Variants in GFRA1 observed in about 807,000 individuals in gnomAD.
GFRA1 encodes GDNF family receptor alpha-1.
GFRA1 carries 16 observed loss-of-function variants against 51.6 expected under a neutral mutation model. The observed-to-expected ratio is 0.31, with a 90% CI of 0.21 to 0.47. The LOEUF (loss-of-function observed/expected upper bound fraction) is 0.47. Ranked by LOEUF, GFRA1 falls within the 20% of genes least tolerant of loss-of-function variation. The probability of loss-of-function intolerance (pLI) is 1.00; values close to 1 mark genes in which losing one functional copy is unlikely to be tolerated. For missense variants in GFRA1, 530 were observed against 594.3 expected (o/e 0.89, Z 1.13); for synonymous variants, 270 against 241.3 (o/e 1.12, Z -1.10).
intron 6 of GFRA1, among the ~76,000 whole-genome samples, chr10:116,115,834 G>A (rs927980561): frequency 6.6e-6 from 1 of 152,156 alleles, no homozygotes; most frequent in African/African-American, 2.4e-5. Context: ...TAGTATGCCT[G>A]TGCACTTCAC....
intron 9 of GFRA1, among the ~76,000 whole-genome samples, chr10:116,073,536 C>T (rs957722867): frequency 1.3e-5 from 2 of 152,072 alleles, no homozygotes; most frequent in Admixed American, 6.5e-5. Flanking sequence ...ATTTTGAAGA[C>T]GTTTTGGTTT....
At chr10:116,218,153 G>A (rs2901099) in intron 4 of GFRA1, among the ~76,000 whole-genome samples, 58,093 of 151,948 alleles carry the variant, frequency 0.38, 12,544 homozygotes, top group East Asian at 0.55. Flanking sequence ...AGAACCCATA[G>A]GTGCCAGAAA....
chr10:116,201,138 A>T (rs1964298576), intron 5 of GFRA1, among the ~76,000 whole-genome samples: 1 of 151,830 alleles, frequency 6.6e-6, no homozygotes, highest in Non-Finnish European at 1.5e-5. Flanking sequence ...CTAAAATAAC[A>T]TTTTTTTTCT....
At chr10:116,108,980 G>T (rs1259999975) in intron 6 of GFRA1, among the ~76,000 whole-genome samples, 3 of 152,196 alleles carry the variant, frequency 2.0e-5, no homozygotes, top group African/African-American at 4.8e-5. Flanking sequence ...ACTTGGTGCT[G>T]AAGGTTCAGC....
At chr10:116,250,829 T>C (rs1968282039) in intron 4 of GFRA1, among the ~76,000 whole-genome samples, 1 of 152,188 alleles carries the variant, frequency 6.6e-6, no homozygotes, top group African/African-American at 2.4e-5. Context: ...GCTAGCCCCC[T>C]GCACAGGGCA....
chr10:116,117,824 T>G (rs1313855872), intron 6 of GFRA1, among the ~76,000 whole-genome samples: 1 of 152,274 alleles, frequency 6.6e-6, no homozygotes, highest in African/African-American at 2.4e-5. Flanking sequence ...ATGTACTAAA[T>G]TGTGTCCCTC....
chr10:116,084,347 G>C (rs1955992397), intron 9 of GFRA1, among the ~76,000 whole-genome samples: 1 of 152,236 alleles, frequency 6.6e-6, no homozygotes, highest in African/African-American at 2.4e-5. Flanking sequence ...ACCAGGATGA[G>C]ATCTGTCACA....
intron 5 of GFRA1, among the ~76,000 whole-genome samples, chr10:116,151,231 C>T (rs774950959): frequency 6.6e-6 from 1 of 152,206 alleles, no homozygotes; most frequent in Non-Finnish European, 1.5e-5. Flanking sequence ...TTTCCAGAGA[C>T]ATGCCTAGGT....
intron 4 of GFRA1, among the ~76,000 whole-genome samples, chr10:116,241,631 T>C (rs1412274569): frequency 2.6e-5 from 4 of 152,204 alleles, no homozygotes; most frequent in East Asian, 3.8e-4. Context: ...CTGGAACTGA[T>C]AGGATGGTCA....
At chr10:116,170,677 C>T (rs2134225426) in intron 5 of GFRA1, among the ~76,000 whole-genome samples, 1 of 152,298 alleles carries the variant, frequency 6.6e-6, no homozygotes, top group East Asian at 1.9e-4. Context: ...ATTCAATTCT[C>T]CAATAAGCCT....
chr10:116,080,710 T>C (rs1955812722), intron 9 of GFRA1, among the ~76,000 whole-genome samples: 1 of 152,058 alleles, frequency 6.6e-6, no homozygotes, highest in South Asian at 2.1e-4. Flanking sequence ...GTCCGAGTAA[T>C]GGGATGACTC....
chr10:116,202,125 G>C (rs1304890272), intron 5 of GFRA1, among the ~76,000 whole-genome samples: 1 of 152,148 alleles, frequency 6.6e-6, no homozygotes, highest in African/African-American at 2.4e-5. Flanking sequence ...GGGTGCCAGG[G>C]ATTCAAAATA....
intron 8 of GFRA1, 60 bp downstream of exon 8, chr10:116,093,642 G>A: frequency 6.7e-7 from 1 of 1,489,616 alleles, no homozygotes; most frequent in Non-Finnish European, 9.4e-7. Context: ...AAGAGGTACA[G>A]CTGGAGCTCG....
In GFRA1 at chr10:116,117,896, A is replaced by G. The variant is rs147741630; in HGVS notation, c.770+7325T>C. On this transcript the variant is annotated intron_variant, in intron 6 of 10. Coordinates refer to ENST00000355422, the MANE Select transcript of GFRA1 (RefSeq NM_005264.8). The stretch of plus-strand genomic sequence containing the variant: ...TGACCATCTCCCTTTTCTTCCTAAG[A>G]CTCTGTTCCCCTTTGGCTTTTCAAG... Among the ~76,000 whole-genome samples, 42 of 151,570 alleles carry G rather than the reference A, an allele frequency of 2.8e-4. No homozygotes were observed. In the East Asian group the frequency reaches 8.0e-3, roughly 29 times the overall value.
chr10:116,232,592 T>C (rs372573012), intron 4 of GFRA1, among the ~76,000 whole-genome samples: 36 of 152,316 alleles, frequency 2.4e-4, no homozygotes, highest in African/African-American at 8.7e-4. Flanking sequence ...AAAGCTATTA[T>C]GGAGTAATTA....
rs140204990 is a variant in GFRA1, at chr10:116,065,198, T to C, written c.1251+375A>G. On this transcript the variant is annotated intron_variant, in intron 10 of 10. Coordinates refer to ENST00000355422, the MANE Select transcript of GFRA1 (RefSeq NM_005264.8). The stretch of plus-strand genomic sequence containing the variant: ...AGAGAGGAATGTATCTGCTCTAATC[T>C]ACCCATGGGGGCCTGTGGAGGTCAG... Among the ~76,000 whole-genome samples, 35 of 152,258 alleles carry C rather than the reference T, an allele frequency of 2.3e-4. No homozygotes were observed. In the East Asian group the frequency reaches 6.7e-3, roughly 29 times the overall value.
chr10:116,096,617 CCA>C, intron 7 of GFRA1, 36 bp downstream of exon 7: 1 of 1,159,666 alleles, frequency 8.6e-7, no homozygotes, highest in Non-Finnish European at 1.3e-6. Context: ...TATATGCAAA[CCA>C]CACTCTTCTC....
In GFRA1 at chr10:116,270,883, C is replaced by T. The variant is rs148946370; in HGVS notation, c.273G>A (p.Arg91=). 22 of 1,614,084 alleles carry T rather than the reference C, an allele frequency of 1.4e-5. No homozygotes were observed. The highest frequency in any genetic ancestry group is 1.7e-5 in the Non-Finnish European group (20 of 1,180,044). The part of the protein sequence containing the change: ...QKSLYNCRCK[R]GMKKEKNCLR... Reference sequence around the variant, plus strand: ...GGCAGTTCTTCTCCTTCTTCATACCCCGCTTGCAGCGGCAGTTGTAGAGCG... The same window carrying T: ...GGCAGTTCTTCTCCTTCTTCATACCTCGCTTGCAGCGGCAGTTGTAGAGCG... The change falls in exon 3 of 11, where the codon CGG becomes CGA. Residue 91 remains arginine, a synonymous_variant. Transcript: ENST00000355422.
At chr10:116,254,262 C>T (rs908154827) in intron 4 of GFRA1, among the ~76,000 whole-genome samples, 2 of 138,960 alleles carry the variant, frequency 1.4e-5, no homozygotes, top group African/African-American at 5.4e-5. Flanking sequence ...GCAGAGGCTG[C>T]AGTGAGCCAA....
Sources: allele counts gnomAD v4.1 joint callset (sites outside exome capture counted in the v4.1 genomes callset), GRCh38; gene constraint gnomAD v4.1.1; transcripts MANE v1.5; gene names NCBI Gene and HGNC (gene_info 2026-07-23, HGNC 2026-07-21).